The following MLLT3 variants were observed in gnomAD, a reference collection of about 807,000 sequenced individuals.
MLLT3 encodes the protein protein AF-9.
MLLT3 carries 4 observed loss-of-function variants against 53.2 expected under a neutral mutation model. The observed-to-expected ratio is 0.08, with a 90% confidence interval of 0.04 to 0.17. MLLT3 has a LOEUF of 0.17. Ranked by LOEUF, MLLT3 falls within the 10% of genes least tolerant of loss-of-function variation. The probability of loss-of-function intolerance (pLI) is 1.00; values close to 1 mark genes in which losing one functional copy is unlikely to be tolerated. For missense variants in MLLT3, 569 were observed against 684.0 expected, an observed-to-expected ratio of 0.83 and a Z score of 1.87; for synonymous variants, 283 against 230.6, an observed-to-expected ratio of 1.23 and a Z score of -2.06.
chr9:20,476,278 TCAAAGC>T (rs1014797442), intron 2 of MLLT3, among the ~76,000 whole-genome samples: 6 of 152,112 alleles, frequency 3.9e-5, no homozygotes, highest in African/African-American at 1.4e-4. Flanking sequence ...CCTACAAGAC[TCAAAGC>T]AGGTCAGCAG....
At chr9:20,456,502 C>A (rs1823973834) in intron 3 of MLLT3, among the ~76,000 whole-genome samples, 1 of 152,182 alleles carries the variant, frequency 6.6e-6, no homozygotes, top group South Asian at 2.1e-4. Context: ...CATAATCTGA[C>A]TTCATATAAT....
Position 20,545,456 on chromosome 9 carries a change from G to T in MLLT3, c.193+75198C>A, listed in dbSNP as rs141872584. ...TGGGTACAGAGTTGTAATCACACAG[G>T]GTGGGTGGAAGGAGTTCTGGGGAAC... is the stretch of plus-strand genomic sequence containing the variant. On this transcript the variant is annotated intron_variant, in intron 2 of 10. Transcript: ENST00000380338. 2.6e-4 allele frequency among the ~76,000 whole-genome samples: 39 copies of T among 152,270 alleles called. No homozygotes were observed. The East Asian group carries it at 7.2e-3, about 28-fold the overall frequency.
In MLLT3 at chr9:20,512,457, C is replaced by T. The variant is rs542220624; in HGVS notation, c.194-55671G>A. On this transcript the variant is annotated intron_variant, in intron 2 of 10. Coordinates refer to ENST00000380338, the MANE Select transcript of MLLT3 (RefSeq NM_004529.4). ...AAGTGCAAATTCTCAGGCCCCACCC[C>T]AAATTTAATGAATCAGAAACTTTGG... Among the ~76,000 whole-genome samples, 155 of 152,284 alleles carry T rather than the reference C, an allele frequency of 1.0e-3. 1 individual carries two copies. The highest frequency in any genetic ancestry group is 3.5e-4 in the Non-Finnish European group (24 of 68,014).
At chr9:20,412,706 G>A (rs1822760850) in intron 5 of MLLT3, among the ~76,000 whole-genome samples, 2 of 152,100 alleles carry the variant, frequency 1.3e-5, no homozygotes, top group East Asian at 3.9e-4. Context: ...TAGAAATACG[G>A]TCAAGCCAAT....
At chr9:20,471,082 C>G (rs1824379276) in intron 2 of MLLT3, among the ~76,000 whole-genome samples, 1 of 151,894 alleles carries the variant, frequency 6.6e-6, no homozygotes, top group Non-Finnish European at 1.5e-5. Context: ...TGCCAGCCAC[C>G]CTTTTTTAAA....
chr9:20,421,329 T>C (rs997108697), intron 4 of MLLT3, among the ~76,000 whole-genome samples: 6 of 151,854 alleles, frequency 4.0e-5, no homozygotes, highest in African/African-American at 1.4e-4. Context: ...AAAATAGCAC[T>C]TCATATAAAA....
At chr9:20,360,312 T>C (rs1398967699) in intron 8 of MLLT3, among the ~76,000 whole-genome samples, 1 of 152,158 alleles carries the variant, frequency 6.6e-6, no homozygotes. Context: ...TAATGTCATT[T>C]ACAGATAAGG....
At chr9:20,619,099 T>A (rs145065173) in intron 2 of MLLT3, among the ~76,000 whole-genome samples, 1 of 152,164 alleles carries the variant, frequency 6.6e-6, no homozygotes, top group Non-Finnish European at 1.5e-5. Context: ...AAGCAGCATA[T>A]CAACCTCATC....
intron 2 of MLLT3, among the ~76,000 whole-genome samples, chr9:20,528,597 G>A (rs139500637): frequency 3.3e-5 from 5 of 152,274 alleles, no homozygotes; most frequent in East Asian, 3.9e-4. Flanking sequence ...TGGTGGCCAC[G>A]GACAGACATT....
rs1353439021 is a variant in MLLT3 at position 20,353,588 on chromosome 9, T to C, written c.1512A>G (p.Leu504=). The C allele has an allele frequency of 1.9e-6, 3 of 1,613,658 alleles. No individual in the cohort carries two copies. Among genetic ancestry groups the C allele is most frequent in the Non-Finnish European group, 8.5e-7 (1 of 1,179,618 alleles). The change falls in exon 10 of 11, where the codon CTA becomes CTG. Residue 504 remains leucine, a synonymous_variant. Transcript: ENST00000380338. ...TTCTGTGAAGCTCTACCAGTTCATC[T>C]AGGTATGCCTGAAAGAGAAGAATGT... ...IKNGECDKAY[L]DELVELHRRL...
chr9:20,441,151 T>C (rs1022294494), intron 4 of MLLT3, among the ~76,000 whole-genome samples: 1 of 152,164 alleles, frequency 6.6e-6, no homozygotes, highest in African/African-American at 2.4e-5. Context: ...GTGGAAAGTT[T>C]GCTCCTGTTT....
chr9:20,370,541 G>A (rs1039421068), intron 5 of MLLT3, among the ~76,000 whole-genome samples: 5 of 151,410 alleles, frequency 3.3e-5, no homozygotes, highest in African/African-American at 4.9e-5. Flanking sequence ...ACAGAGTTTC[G>A]CTCTTGTTGC....
chr9:20,352,083 G>A (rs549204626), intron 10 of MLLT3, among the ~76,000 whole-genome samples: 2 of 152,224 alleles, frequency 1.3e-5, no homozygotes, highest in African/African-American at 2.4e-5. Flanking sequence ...ACCTTTCTTC[G>A]CAATTCTTAT....
At position 20,343,592 on chromosome 9, in the gene MLLT3, G is replaced by A. The variant is rs534574830; in HGVS notation, c.*2851C>T. 10 of 229,754 alleles carry A rather than the reference G, an allele frequency of 4.4e-5. No individual in the cohort carries two copies. In the South Asian group the frequency reaches 1.6e-3, roughly 38 times the overall value. The allele number at this position is 229,754 out of a possible 1,614,324, so 14.2% of individuals were successfully genotyped here. On this transcript the variant is annotated 3_prime_UTR_variant, in exon 11 of 11. Transcript: ENST00000380338. ...AAAGCTAAGTTATAAGGGGGCAGAG[G>A]GGCAGGAGCTCTGTACATATATTTT... is the stretch of plus-strand genomic sequence containing the variant.
chr9:20,614,870 C>T (rs1459336963), intron 2 of MLLT3, among the ~76,000 whole-genome samples: 1 of 137,636 alleles, frequency 7.3e-6, no homozygotes, highest in African/African-American at 2.6e-5. Flanking sequence ...CCATGGAAGA[C>T]CCATGAGAAA....
At chr9:20,617,426 C>T (rs1417690561) in intron 2 of MLLT3, among the ~76,000 whole-genome samples, 1 of 152,004 alleles carries the variant, frequency 6.6e-6, no homozygotes, top group African/African-American at 2.4e-5. Flanking sequence ...TACCAGTGGC[C>T]AAATTAGCTT....
At chr9:20,466,343 G>A (rs1352003648) in intron 2 of MLLT3, among the ~76,000 whole-genome samples, 1 of 152,104 alleles carries the variant, frequency 6.6e-6, no homozygotes, top group Admixed American at 6.5e-5. Context: ...GACTTAACCT[G>A]CACAGTGTTA....
intron 2 of MLLT3, among the ~76,000 whole-genome samples, chr9:20,477,702 C>T (rs1204648513): frequency 6.6e-6 from 1 of 152,178 alleles, no homozygotes; most frequent in Non-Finnish European, 1.5e-5. Context: ...AGTGACCTTT[C>T]TGGCTCTACA....
At chr9:20,526,490 G>C (rs146436977) in intron 2 of MLLT3, among the ~76,000 whole-genome samples, 6 of 152,312 alleles carry the variant, frequency 3.9e-5, no homozygotes, top group African/African-American at 1.4e-4. Flanking sequence ...ACATGCTTAT[G>C]TGTATGGCTT....
Sources: allele counts gnomAD v4.1 joint callset (sites outside exome capture counted in the v4.1 genomes callset), GRCh38; gene constraint gnomAD v4.1.1; transcripts MANE v1.5; gene names NCBI Gene and HGNC (gene_info 2026-07-23, HGNC 2026-07-21).